NUCB2: variants seen among roughly 807,000 people sequenced by gnomAD.
NUCB2 encodes the protein nucleobindin-2.
NUCB2 carries 48 observed loss-of-function variants against 57.9 expected under a neutral mutation model. That is an observed-to-expected ratio of 0.83 (90% CI 0.66 to 1.05). The LOEUF is 1.05. NUCB2 is among the 50% of genes least tolerant of loss of function. The pLI, the probability that NUCB2 is intolerant of heterozygous loss-of-function variation, is 0.00. For missense variants in NUCB2, 442 were observed against 476.2 expected (o/e 0.93, Z 0.67); for synonymous variants, 139 against 152.1 (o/e 0.91, Z 0.64).
intron 11 of NUCB2, among the ~76,000 whole-genome samples, chr11:17,318,468 A>G (rs563378898): frequency 6.0e-4 from 91 of 152,294 alleles, no homozygotes; most frequent in African/African-American, 2.0e-3. Flanking sequence ...CTGCTATTTT[A>G]AAAAGAAAAT....
intron 2 of NUCB2, among the ~76,000 whole-genome samples, chr11:17,344,762 A>G (rs2139659974): frequency 6.6e-6 from 1 of 152,346 alleles, no homozygotes; most frequent in African/African-American, 2.4e-5. Flanking sequence ...AACAGAGGCT[A>G]AGTATTTTTG....
chr11:17,319,892 C>T (rs1471277446), intron 11 of NUCB2, among the ~76,000 whole-genome samples: 1 of 152,126 alleles, frequency 6.6e-6, no homozygotes, highest in African/African-American at 2.4e-5. Context: ...CTCCTCCTGC[C>T]CTCTATCCTC....
chr11:17,322,217 T>C (rs191528297), intron 11 of NUCB2, among the ~76,000 whole-genome samples: 1 of 152,332 alleles, frequency 6.6e-6, no homozygotes, highest in African/African-American at 2.4e-5. Context: ...AGTAGTTTGA[T>C]AGTTTGAGGT....
chr11:17,321,069 C>G (rs1949957311), intron 11 of NUCB2, among the ~76,000 whole-genome samples: 1 of 152,014 alleles, frequency 6.6e-6, no homozygotes, highest in Non-Finnish European at 1.5e-5. Context: ...GGGTATCCAT[C>G]CCCTCAACTG....
intron 2 of NUCB2, among the ~76,000 whole-genome samples, chr11:17,289,967 G>A (rs901666740): frequency 2.6e-5 from 4 of 152,066 alleles, no homozygotes; most frequent in Non-Finnish European, 5.9e-5. Flanking sequence ...TCAGCCTCAT[G>A]TTCCTTGAGT....
chr11:17,331,504 C>A lies in NUCB2; in HGVS notation c.*85C>A. ...TTAGCTCCCTTCCTTTTTCTCTGCT[C>A]AATAAATATTTTAAAAGCATATTTG... On this transcript the variant is annotated 3_prime_UTR_variant, in exon 14 of 14. Coordinates refer to ENST00000529010, the MANE Select transcript of NUCB2 (RefSeq NM_005013.4). 2 of 813,532 alleles carry A rather than the reference C, an allele frequency of 2.5e-6. No homozygotes were observed. Among genetic ancestry groups the A allele is most frequent in the South Asian group, 3.3e-5 (1 of 30,326 alleles). 50.4% of individuals were successfully genotyped at this position (813,532 alleles called of 1,614,324 possible).
chr11:17,287,741 T>A lies in NUCB2; in HGVS notation c.-1+4798T>A, dbSNP rs535144211. Among the ~76,000 whole-genome samples, 5 of 151,976 alleles carry A rather than the reference T, an allele frequency of 3.3e-5. No individual in the cohort carries two copies. The East Asian group carries it at 9.7e-4, about 29-fold the overall frequency. On this transcript the variant is annotated intron_variant, in intron 2 of 13. Coordinates refer to ENST00000529010, the MANE Select transcript of NUCB2 (RefSeq NM_005013.4). ...AGGGCTAGATGTGGTGGCTCACTCC[T>A]GTAATCCCAGCACTTTGGGAGGCCA...
In NUCB2 at chr11:17,288,944, CACACACAT is replaced by C. The variant is rs1361634924; in HGVS notation, c.-1+6003_-1+6010del. 9.0e-3 allele frequency among the ~76,000 whole-genome samples: 645 copies of C among 71,402 alleles called. 71 individuals carry two copies. The highest frequency in any genetic ancestry group is 0.016 in the South Asian group (30 of 1,834). The allele number at this position is 71,402 out of a possible 152,430, so 46.8% of individuals were successfully genotyped here. On this transcript the variant is annotated intron_variant, in intron 2 of 13. Transcript: ENST00000529010. ...ACACACACACACACACACACACACA[CACACACAT>C]ATATATATATATTTTTTTTTTTTGA...
chr11:17,282,246 A>G (rs2035687), intron 1 of NUCB2, among the ~76,000 whole-genome samples: 179 of 111,392 alleles, frequency 1.6e-3, no homozygotes, highest in Non-Finnish European at 2.3e-3. Flanking sequence ...CTATATATAT[A>G]TATATATATA....
At chr11:17,311,128 A>G in intron 7 of NUCB2, 65 bp from the exon 8 acceptor site, 11 of 1,438,064 alleles carry the variant, frequency 7.6e-6, no homozygotes, top group Non-Finnish European at 1.0e-5. Context: ...CCTCAAATTT[A>G]TATTTTGAGT....
At chr11:17,288,975 T>TTTTTTTTA (rs1944467142) in intron 2 of NUCB2, among the ~76,000 whole-genome samples, 1 of 138,762 alleles carries the variant, frequency 7.2e-6, no homozygotes, top group Non-Finnish European at 1.6e-5. Flanking sequence ...TTTTTTTTTT[T>TTTTTTTTA]GAGATGGAGT....
chr11:17,279,062 G>A (rs1011377125), intron 1 of NUCB2, among the ~76,000 whole-genome samples: 2 of 152,050 alleles, frequency 1.3e-5, no homozygotes, highest in African/African-American at 2.4e-5. Context: ...ACGTAGTGGC[G>A]GGCATCTGTA....
At chr11:17,348,380 G>C (rs1156335314) in intron 2 of NUCB2, among the ~76,000 whole-genome samples, 2 of 129,968 alleles carry the variant, frequency 1.5e-5, no homozygotes, top group Non-Finnish European at 3.1e-5. Context: ...TGTCACCCAG[G>C]CTGGAGTGCA....
At chr11:17,345,545 A>G (rs1952654988) in intron 2 of NUCB2, among the ~76,000 whole-genome samples, 1 of 152,254 alleles carries the variant, frequency 6.6e-6, no homozygotes, top group African/African-American at 2.4e-5. Context: ...CATCTCTACT[A>G]AAAATACAAA....
At chr11:17,297,245 G>C (rs1428217048) in intron 4 of NUCB2, among the ~76,000 whole-genome samples, 1 of 151,894 alleles carries the variant, frequency 6.6e-6, no homozygotes, top group Non-Finnish European at 1.5e-5. Flanking sequence ...AAATTACGTT[G>C]CTTTTTTTCT....
At chr11:17,293,928 T>A (rs1308442770) in intron 2 of NUCB2, among the ~76,000 whole-genome samples, 1 of 152,154 alleles carries the variant, frequency 6.6e-6, no homozygotes. Flanking sequence ...GGGTATGGGG[T>A]TTCTTTTTGA....
Position 17,330,591 on chromosome 11 carries a change from C to T in NUCB2, c.1173+294C>T, listed in dbSNP as rs1400952578. 1.3e-5 allele frequency among the ~76,000 whole-genome samples: 2 copies of T among 152,170 alleles called. No individual in the cohort carries two copies. Among genetic ancestry groups the T allele is most frequent in the Non-Finnish European group, 2.9e-5 (2 of 68,034 alleles). On this transcript the variant is annotated intron_variant, in intron 12 of 13. Transcript: ENST00000529010. This position sits in a 1 kb window ranked among gnomAD's most constrained non-coding sequence, Gnocchi z 4.3. ...TCAAGTGATCCTCCCACCTCAGCCT[C>T]CCCAGTAGCTAGGACTACAGGTGCA...
At chr11:17,291,544 T>TAAAAAAAAAAAAAAAAAA (rs1565383458) in intron 2 of NUCB2, among the ~76,000 whole-genome samples, 4 of 1,578 alleles carry the variant, frequency 2.5e-3, no homozygotes, top group Non-Finnish European at 5.7e-3. Context: ...AGACTCTGCA[T>TAAAAAAAAAAAAAAAAAA]CAAAAAAAAA....
rs1480116737 is a variant in NUCB2 at position 17,339,950 on chromosome 11, C to G, written n.2626+2416C>G. ...CACACAGATTTCCACAATGGTTGAACTAGTTTACAGTCCCACCAACAGTGT... is the reference window on the plus strand; with the variant it reads ...CACACAGATTTCCACAATGGTTGAAGTAGTTTACAGTCCCACCAACAGTGT... On this transcript the variant is annotated intron_variant and non_coding_transcript_variant, in intron 2 of 2. Coordinates refer to the NUCB2 transcript ENST00000532240. Among the ~76,000 whole-genome samples the G allele has an allele frequency of 2.0e-5, 3 of 152,180 alleles. No individual in the cohort carries two copies. In the East Asian group the frequency reaches 5.8e-4, roughly 29 times the overall value.
Sources: allele counts gnomAD v4.1 joint callset (sites outside exome capture counted in the v4.1 genomes callset), GRCh38; gene constraint gnomAD v4.1.1; non-coding constraint Gnocchi (gnomAD v3.1); transcripts MANE v1.5; gene names NCBI Gene and HGNC (gene_info 2026-07-23, HGNC 2026-07-21).